Variants in FBXO11 observed in about 807,000 individuals in gnomAD.
The protein encoded by FBXO11 is F-box protein 11.
FBXO11 carries 13 observed loss-of-function variants against 117.0 expected under a neutral mutation model. The ratio of observed to expected loss-of-function variants is 0.11; its 90% CI spans 0.07 to 0.18. FBXO11 has a LOEUF of 0.18. Among genes scored for constraint, FBXO11 ranks in the 10% least tolerant of loss-of-function variants. The pLI is 1.00. For synonymous variants in FBXO11, 490 were observed against 380.5 expected (o/e 1.29, Z -3.35); for missense variants, 767 against 1,164.4 (o/e 0.66, Z 4.97).
At chr2:47,831,945 T>G (rs905014697) in intron 11 of FBXO11, among the ~76,000 whole-genome samples, 1 of 152,180 alleles carries the variant, frequency 6.6e-6, no homozygotes, top group Admixed American at 6.5e-5. Flanking sequence ...CTACAAACTG[T>G]GTTAGATTCA....
At chr2:47,850,895 A>G (rs17037006) in intron 1 of FBXO11, among the ~76,000 whole-genome samples, 2,347 of 152,314 alleles carry the variant, frequency 0.015, 44 homozygotes, top group African/African-American at 0.05. Context: ...TTCCATTCTC[A>G]TATTTGTTCC....
chr2:47,829,477 G>C (rs1282172619), intron 11 of FBXO11, among the ~76,000 whole-genome samples: 5 of 152,072 alleles, frequency 3.3e-5, no homozygotes, highest in African/African-American at 1.2e-4. Context: ...CTGACCTCAG[G>C]TGATCTGCCT....
chr2:47,832,469 A>G lies in FBXO11; in HGVS notation c.1278T>C (p.Asn426=). The change falls in exon 11 of 23, where the codon AAT becomes AAC. Residue 426 remains asparagine (N), a synonymous_variant. Transcript: ENST00000403359. ...TDHAQGIYED[N]EISNNALAGI... is the part of the protein sequence containing the mutation. ...CAGCTAACGCATTATTGGAAATTTC[A>G]TTATCCTCATATATTCCCTACAACA... The G allele has an allele frequency of 6.8e-6, 11 of 1,613,678 alleles. No individual in the cohort carries two copies. Among genetic ancestry groups the G allele is most frequent in the Non-Finnish European group, 9.3e-6 (11 of 1,179,806 alleles).
Position 47,839,464 on chromosome 2 carries a change from G to A in FBXO11, c.397C>T (p.Arg133Cys), listed in dbSNP as rs1391713637. The A allele has an allele frequency of 3.7e-6, 6 of 1,613,998 alleles. No individual in the cohort carries two copies. The highest frequency in any genetic ancestry group is 4.2e-6 in the Non-Finnish European group (5 of 1,179,998). The change falls in exon 3 of 23, where the codon CGT becomes TGT. Residue 133 changes from arginine (R) to cysteine (C), a missense_variant. Arg to Cys is a radical substitution (Grantham distance 180). Transcript: ENST00000403359. The part of the protein sequence containing the change: ...STSTTENFGH[R>C]AKRARVSGKS... ...CCAGACACTCTTGCACGTTTTGCAC[G>A]ATGACCAAAGTTTTCTGTAGTTGAA...
intron 1 of FBXO11, among the ~76,000 whole-genome samples, chr2:47,899,886 G>C (rs1398975449): frequency 6.6e-6 from 1 of 150,520 alleles, no homozygotes; most frequent in Non-Finnish European, 1.5e-5. Flanking sequence ...GACAATAAAA[G>C]ACCTCATGTT....
intron 11 of FBXO11, among the ~76,000 whole-genome samples, chr2:47,824,730 G>A (rs1671622473): frequency 6.6e-6 from 1 of 151,960 alleles, no homozygotes; most frequent in Non-Finnish European, 1.5e-5. Context: ...TATGAGTGGT[G>A]GAATTATGGA....
intron 11 of FBXO11, among the ~76,000 whole-genome samples, chr2:47,829,437 C>T (rs1365040639): frequency 6.6e-6 from 1 of 152,052 alleles, no homozygotes; most frequent in African/African-American, 2.4e-5. Context: ...GACAGGGTTT[C>T]ACCATGTTGG....
At chr2:47,837,387 C>T (rs1277989525) in intron 4 of FBXO11, among the ~76,000 whole-genome samples, 1 of 152,090 alleles carries the variant, frequency 6.6e-6, no homozygotes, top group Non-Finnish European at 1.5e-5. Context: ...AATAGCTGGG[C>T]ATGGTGGGAG....
chr2:47,817,814 G>A (rs1671109669), intron 16 of FBXO11, among the ~76,000 whole-genome samples: 1 of 152,254 alleles, frequency 6.6e-6, no homozygotes, highest in Non-Finnish European at 1.5e-5. Flanking sequence ...CTTGGGCGCA[G>A]TTAATGGTGT....
intron 4 of FBXO11, among the ~76,000 whole-genome samples, chr2:47,837,477 A>G (rs957751271): frequency 6.6e-6 from 1 of 152,218 alleles, no homozygotes; most frequent in African/African-American, 2.4e-5. Flanking sequence ...CAGTGAGTCA[A>G]GATTGTGCCA....
intron 1 of FBXO11, among the ~76,000 whole-genome samples, chr2:47,871,283 T>G (rs760783858): frequency 6.6e-6 from 1 of 152,110 alleles, no homozygotes; most frequent in Non-Finnish European, 1.5e-5. Flanking sequence ...AACAGAAAAT[T>G]GAGACCTTCT....
rs533894032 is a variant in FBXO11, at chr2:47,834,956, T to A, written c.718-85A>T. The stretch of plus-strand genomic sequence containing the variant: ...TAATGTACAATTGCATGAACAACTT[T>A]TATTACAAATCAAAAATAATTCTCA... On this transcript the variant is annotated intron_variant, in intron 5 of 22. Transcript: ENST00000403359. The A allele has an allele frequency of 3.0e-4, 270 of 901,174 alleles. 3 individuals are homozygous for A. In the South Asian group the frequency reaches 3.4e-3, roughly 11 times the overall value. 55.8% of individuals were successfully genotyped at this position (901,174 alleles called of 1,614,324 possible).
In FBXO11 at chr2:47,857,267, T is replaced by A. The variant is rs191276637; in HGVS notation, c.233-17498A>T. The stretch of plus-strand genomic sequence containing the variant: ...TGGAGAGAAAAGATATACACAGCCA[T>A]TAATGAGCAAGAAGGTATTTTTTTT... On this transcript the variant is annotated intron_variant, in intron 1 of 22. Coordinates refer to ENST00000403359, the MANE Select transcript of FBXO11 (RefSeq NM_001190274.2). Among the ~76,000 whole-genome samples the A allele has an allele frequency of 1.4e-4, 21 of 152,220 alleles. No individual in the cohort carries two copies. In the South Asian group the frequency reaches 4.4e-3, roughly 32 times the overall value.
intron 1 of FBXO11, among the ~76,000 whole-genome samples, chr2:47,869,463 G>C (rs964213594): frequency 6.6e-6 from 1 of 152,158 alleles, no homozygotes; most frequent in Admixed American, 6.5e-5. Context: ...AAATACAGGA[G>C]ATCCCCTAAG....
chr2:47,873,498 T>C (rs1428635510), intron 1 of FBXO11, among the ~76,000 whole-genome samples: 2 of 152,174 alleles, frequency 1.3e-5, no homozygotes, highest in Non-Finnish European at 2.9e-5. Flanking sequence ...TGGCATGATT[T>C]GGATTATTTC....
chr2:47,902,896 T>C lies in FBXO11; in HGVS notation c.232+2593A>G, dbSNP rs201888823. Among the ~76,000 whole-genome samples, 29 of 151,222 alleles carry C rather than the reference T, an allele frequency of 1.9e-4. No homozygotes were observed. In the East Asian group the frequency reaches 5.2e-3, roughly 27 times the overall value. ...AAGATCCTAATGCAAATGTTACATA[T>C]CCATTAAGAGTTAGTAAAAGGTTAA... On this transcript the variant is annotated intron_variant, in intron 1 of 22. Coordinates refer to ENST00000403359, the MANE Select transcript of FBXO11 (RefSeq NM_001190274.2).
chr2:47,825,591 T>G (rs1453742679), intron 11 of FBXO11, among the ~76,000 whole-genome samples: 1 of 147,674 alleles, frequency 6.8e-6, no homozygotes, highest in Non-Finnish European at 1.5e-5. Flanking sequence ...TTTTTTTTTT[T>G]TTTTTAGAGA....
At chr2:47,837,120 G>C (rs1228581934) in intron 4 of FBXO11, 1 of 180,724 alleles carries the variant, frequency 5.5e-6, no homozygotes, top group African/African-American at 2.4e-5. Context: ...CAAGCACAAT[G>C]AAATCTTCAA....
rs72876837 is a variant in FBXO11, at chr2:47,813,728, C to T, written c.2083+63G>A. ...GATTACAGGCGTGAGCCACCGTGCC[C>T]GGCCTAGAAGGTGTATTTCTAAAGT... On this transcript the variant is annotated intron_variant, in intron 17 of 22. Coordinates refer to ENST00000403359, the MANE Select transcript of FBXO11 (RefSeq NM_001190274.2). 92 of 1,401,574 alleles carry T rather than the reference C, an allele frequency of 6.6e-5. 1 individual carries two copies. Among genetic ancestry groups the T allele is most frequent in the South Asian group, 2.8e-4 (24 of 85,174 alleles). The allele number at this position is 1,401,574 out of a possible 1,614,324, so 86.8% of individuals were successfully genotyped here.
Sources: allele counts gnomAD v4.1 joint callset (sites outside exome capture counted in the v4.1 genomes callset), GRCh38; gene constraint gnomAD v4.1.1; transcripts MANE v1.5; gene names NCBI Gene and HGNC (gene_info 2026-07-23, HGNC 2026-07-21).